The following PLCB1 variants were observed in gnomAD, a reference collection of about 807,000 sequenced individuals.
The protein encoded by PLCB1 is 1-phosphatidylinositol 4,5-bisphosphate phosphodiesterase beta-1.
A neutral mutation model predicts 161.8 loss-of-function variants in PLCB1; 46 were observed. That is an observed-to-expected ratio of 0.28 (90% CI 0.22 to 0.36). The LOEUF is 0.36. PLCB1 is among the 10% of genes least tolerant of loss of function. PLCB1 has a pLI of 1.00. For missense variants in PLCB1, 1,016 were observed against 1,472.5 expected, an observed-to-expected ratio of 0.69 and a Z score of 5.07; for synonymous variants, 517 against 503.7, an observed-to-expected ratio of 1.03 and a Z score of -0.35.
intron 2 of PLCB1, among the ~76,000 whole-genome samples, chr20:8,343,663 G>T (rs1315914772): frequency 1.3e-5 from 2 of 152,142 alleles, no homozygotes; most frequent in African/African-American, 4.8e-5. Flanking sequence ...ACACAGTTAG[G>T]TATAAGCAGC....
intron 3 of PLCB1, among the ~76,000 whole-genome samples, chr20:8,466,504 A>C (rs1981831762): frequency 6.6e-6 from 1 of 152,138 alleles, no homozygotes; most frequent in Admixed American, 6.5e-5. Flanking sequence ...AGAGCTGTAC[A>C]GGGAATCTAG....
At chr20:8,603,930 T>C (rs1171094749) in intron 3 of PLCB1, among the ~76,000 whole-genome samples, 1 of 152,190 alleles carries the variant, frequency 6.6e-6, no homozygotes, top group Admixed American at 6.5e-5. Context: ...GTGAATGTAC[T>C]AAATGCCACT....
intron 3 of PLCB1, among the ~76,000 whole-genome samples, chr20:8,520,136 T>C (rs1984293184): frequency 6.6e-6 from 1 of 152,182 alleles, no homozygotes; most frequent in Admixed American, 6.5e-5. Context: ...GCACTTTGCC[T>C]GAAGAAAAAC....
chr20:8,262,248 C>CT (rs10718370), intron 2 of PLCB1, among the ~76,000 whole-genome samples: 206 of 148,506 alleles, frequency 1.4e-3, no homozygotes, highest in East Asian at 0.011. Flanking sequence ...CGCCAGGCTA[C>CT]TTTTTTTTTT....
At chr20:8,419,825 A>G (rs1346234362) in intron 3 of PLCB1, among the ~76,000 whole-genome samples, 2 of 152,198 alleles carry the variant, frequency 1.3e-5, no homozygotes, top group Non-Finnish European at 2.9e-5. Flanking sequence ...TTTGTTTGTA[A>G]CTTAAATGTT....
chr20:8,407,505 G>A (rs1002386255), intron 3 of PLCB1, among the ~76,000 whole-genome samples: 1 of 152,142 alleles, frequency 6.6e-6, no homozygotes, highest in African/African-American at 2.4e-5. Context: ...TTACATGGTG[G>A]CGGCAAGAGA....
chr20:8,513,043 A>C, intron 3 of PLCB1, among the ~76,000 whole-genome samples: 1 of 152,108 alleles, frequency 6.6e-6, no homozygotes, highest in Non-Finnish European at 1.5e-5. Flanking sequence ...ATCATGTAAT[A>C]TTTGTCCTTC....
intron 26 of PLCB1, among the ~76,000 whole-genome samples, chr20:8,766,439 A>T (rs1388897050): frequency 6.6e-6 from 1 of 152,182 alleles, no homozygotes. Context: ...CTGAGGAAAC[A>T]GCAAGTGCAA....
chr20:8,168,484 A>G (rs1326120819), intron 2 of PLCB1, among the ~76,000 whole-genome samples: 2 of 152,090 alleles, frequency 1.3e-5, no homozygotes, highest in African/African-American at 4.8e-5. Flanking sequence ...CTAGACTTGG[A>G]GGTCCCTGAT....
chr20:8,626,070 C>G (rs1024791376), intron 3 of PLCB1, among the ~76,000 whole-genome samples: 11 of 150,566 alleles, frequency 7.3e-5, no homozygotes, highest in Admixed American at 6.0e-4. Flanking sequence ...CCCAGCTACT[C>G]GGGAGGCTGA....
intron 11 of PLCB1, among the ~76,000 whole-genome samples, chr20:8,708,258 A>G (rs996445660): frequency 2.0e-5 from 3 of 152,204 alleles, no homozygotes; most frequent in Non-Finnish European, 2.9e-5. Context: ...AAGCTACATA[A>G]ATACATGAGA....
intron 2 of PLCB1, among the ~76,000 whole-genome samples, chr20:8,297,829 A>G (rs79026609): frequency 0.065 from 9,779 of 151,468 alleles, 431 homozygotes; most frequent in East Asian, 0.17. Context: ...TAGAGAGGCC[A>G]CCTTCAATTC....
intron 31 of PLCB1, among the ~76,000 whole-genome samples, chr20:8,796,827 G>C (rs1031744011): frequency 3.9e-5 from 6 of 152,090 alleles, no homozygotes; most frequent in Non-Finnish European, 7.4e-5. Flanking sequence ...AAACACATAA[G>C]ACATTATTCT....
chr20:8,322,542 TA>T (rs11477588), intron 2 of PLCB1, among the ~76,000 whole-genome samples: 48,996 of 146,884 alleles, frequency 0.33, 8,641 homozygotes, highest in South Asian at 0.48. Flanking sequence ...CCCTTAAGGT[TA>T]AAAAAAAAAA....
At chr20:8,422,543 T>C (rs187706577) in intron 3 of PLCB1, among the ~76,000 whole-genome samples, 1 of 152,344 alleles carries the variant, frequency 6.6e-6, no homozygotes, top group East Asian at 1.9e-4. Flanking sequence ...ATTTAAGGTC[T>C]GTATGTGATT....
At position 8,710,593 on chromosome 20, in the gene PLCB1, C is replaced by A. The variant is rs530381780; in HGVS notation, c.1250+1841C>A. ...GCCATGGCACAATCCTGGTTCACTG[C>A]AACCTCCATCTCCCGAGTTCAAGCA... On this transcript the variant is annotated intron_variant, in intron 12 of 31. Coordinates refer to ENST00000338037, the MANE Select transcript of PLCB1 (RefSeq NM_015192.4). Among the ~76,000 whole-genome samples, 17 of 144,790 alleles carry A rather than the reference C, an allele frequency of 1.2e-4. No homozygotes were observed. The East Asian group carries it at 3.7e-3, about 31-fold the overall frequency. The allele number at this position is 144,790 out of a possible 152,430, so 95.0% of individuals were successfully genotyped here. A position where few individuals can be genotyped will look rare whatever the true frequency, so the allele number is the denominator to read the frequency against.
chr20:8,814,204 T>C (rs1448727682), intron 31 of PLCB1, among the ~76,000 whole-genome samples: 1 of 152,186 alleles, frequency 6.6e-6, no homozygotes, highest in Non-Finnish European at 1.5e-5. Context: ...TTGTGTGAGA[T>C]TTTACAACAG....
chr20:8,405,912 A>C (rs1036050161), intron 3 of PLCB1, among the ~76,000 whole-genome samples: 1 of 152,200 alleles, frequency 6.6e-6, no homozygotes, highest in African/African-American at 2.4e-5. Context: ...TCTCTGCCCA[A>C]ATCTGTGCTC....
chr20:8,331,577 G>A (rs1353261924), intron 2 of PLCB1, among the ~76,000 whole-genome samples: 1 of 152,170 alleles, frequency 6.6e-6, no homozygotes, highest in Non-Finnish European at 1.5e-5. Flanking sequence ...GAAGCATGGT[G>A]TCTGAGTCCA....
Sources: gnomAD v4.1 joint callset for allele counts (sites outside exome capture counted in the v4.1 genomes callset) on GRCh38, gnomAD v4.1.1 for gene constraint, MANE v1.5 for transcripts, NCBI Gene and HGNC (gene_info 2026-07-23, HGNC 2026-07-21) for gene names.